Variants in TMEM181 observed in about 807,000 individuals in gnomAD.
TMEM181 encodes transmembrane protein 181, also known as G protein-coupled receptor 178.
Under a neutral mutation model 71.9 loss-of-function variants are expected in TMEM181, and 39 were observed. The observed-to-expected ratio is 0.54, with a 90% CI of 0.42 to 0.71. The LOEUF (loss-of-function observed/expected upper bound fraction) is 0.71. Among genes scored for constraint, TMEM181 ranks in the 30% least tolerant of loss-of-function variants. The pLI is 0.00. For missense variants in TMEM181, 595 were observed against 583.0 expected (o/e 1.02, Z -0.21); for synonymous variants, 245 against 228.8 (o/e 1.07, Z -0.64).
intron 6 of TMEM181, among the ~76,000 whole-genome samples, chr6:158,591,800 G>A (rs9457409): frequency 0.29 from 44,085 of 151,892 alleles, 6,861 homozygotes; most frequent in African/African-American, 0.37. Context: ...TCCTGACCCT[G>A]TTCTATGGGT....
At chr6:158,617,403 T>G (rs1785679114) in intron 10 of TMEM181, among the ~76,000 whole-genome samples, 1 of 152,188 alleles carries the variant, frequency 6.6e-6, no homozygotes, top group Non-Finnish European at 1.5e-5. Context: ...CGGTCTATTT[T>G]GTTGATCTTT....
At chr6:158,591,688 A>G (rs986466512) in intron 6 of TMEM181, among the ~76,000 whole-genome samples, 1 of 152,088 alleles carries the variant, frequency 6.6e-6, no homozygotes, top group African/African-American at 2.4e-5. Context: ...AACAGTGCAG[A>G]CAAACAAGGG....
chr6:158,546,624 T>A (rs1781534106), intron 1 of TMEM181, among the ~76,000 whole-genome samples: 1 of 152,208 alleles, frequency 6.6e-6, no homozygotes, highest in Non-Finnish European at 1.5e-5. Context: ...CTGTGGGTTA[T>A]CAAATTTACT....
chr6:158,546,975 CAAACAAAT>C (rs143229930), intron 1 of TMEM181, among the ~76,000 whole-genome samples: 2,922 of 149,604 alleles, frequency 0.02, 82 homozygotes, highest in African/African-American at 0.067. Flanking sequence ...CAAAAACAAA[CAAACAAAT>C]AAAGAATACT....
chr6:158,573,345 G>A (rs2128294006), intron 1 of TMEM181, 75 bp from the exon 2 acceptor site: 2 of 1,123,138 alleles, frequency 1.8e-6, no homozygotes, highest in Non-Finnish European at 2.6e-6. Flanking sequence ...GGGGAGGGGT[G>A]TTGCTGCAGG....
intron 1 of TMEM181, among the ~76,000 whole-genome samples, chr6:158,538,131 G>T (rs1781196736): frequency 7.3e-6 from 1 of 137,210 alleles, no homozygotes; most frequent in African/African-American, 2.8e-5. Context: ...CCCGTCCCCC[G>T]CCCCCTACTC....
At chr6:158,565,033 C>G (rs1316930449) in intron 1 of TMEM181, among the ~76,000 whole-genome samples, 4 of 152,300 alleles carry the variant, frequency 2.6e-5, no homozygotes, top group East Asian at 1.9e-4. Flanking sequence ...ATGAAGGTGT[C>G]TCTCACACCC....
chr6:158,615,286 CT>C, intron 10 of TMEM181, among the ~76,000 whole-genome samples: 1 of 152,206 alleles, frequency 6.6e-6, no homozygotes, highest in Non-Finnish European at 1.5e-5. Flanking sequence ...GAAATGCCTT[CT>C]TTTGAGAAGT....
At chr6:158,559,978 G>A (rs942604282), upstream of TMEM181, 15 of 898,542 alleles carry the variant, frequency 1.7e-5, no homozygotes, top group Non-Finnish European at 1.9e-5. Context: ...ACGGGGCCAC[G>A]AAGGAGGGCC....
intron 12 of TMEM181, 59 bp from the exon 13 acceptor site, chr6:158,625,644 A>G: frequency 6.8e-7 from 1 of 1,469,170 alleles, no homozygotes; most frequent in East Asian, 2.3e-5. Flanking sequence ...TTATTTTTCA[A>G]AATAAAATGC....
At chr6:158,542,868 GTTTTTTTTTTT>G (rs61401561) in intron 1 of TMEM181, among the ~76,000 whole-genome samples, 2 of 73,462 alleles carry the variant, frequency 2.7e-5, no homozygotes, top group Admixed American at 2.1e-4. Context: ...CTCCAGAGTG[GTTTTTTTTTTT>G]TTTTTTTTTT....
Position 158,628,820 on chromosome 6 carries a change from G to A in TMEM181, c.1192+330G>A, listed in dbSNP as rs146028962. On this transcript the variant is annotated intron_variant, in intron 14 of 16. Coordinates refer to ENST00000684151, the MANE Select transcript of TMEM181 (RefSeq NM_001376852.1). Reference sequence around the variant, plus strand: ...CTTTCCACCCAGAGGGGCAGGTGCTGTGAGGTAAATGAGGTGCGGTTGCCT... The same window carrying A: ...CTTTCCACCCAGAGGGGCAGGTGCTATGAGGTAAATGAGGTGCGGTTGCCT... Among the ~76,000 whole-genome samples, 28 of 152,360 alleles carry A rather than the reference G, an allele frequency of 1.8e-4. No homozygotes were observed. In the East Asian group the frequency reaches 5.2e-3, roughly 28 times the overall value.
chr6:158,621,794 C>T (rs1260997170), intron 10 of TMEM181, among the ~76,000 whole-genome samples: 2 of 152,250 alleles, frequency 1.3e-5, no homozygotes, highest in African/African-American at 4.8e-5. Flanking sequence ...GCGCTTCTGT[C>T]TGCGCAGGCC....
At chr6:158,625,791 A>G (rs767592716) in intron 13 of TMEM181, 37 bp downstream of exon 13, 2 of 1,577,782 alleles carry the variant, frequency 1.3e-6, no homozygotes, top group East Asian at 2.2e-5. Context: ...AGCAAAACGG[A>G]ATTTTTCTTT....
intron 14 of TMEM181, among the ~76,000 whole-genome samples, chr6:158,628,935 C>T (rs1009621064): frequency 1.3e-4 from 20 of 152,224 alleles, no homozygotes; most frequent in Non-Finnish European, 2.4e-4. Flanking sequence ...TGTCTCCCCC[C>T]GGGATATCTC....
At chr6:158,631,283 G>A (rs1428062700) in intron 15 of TMEM181, 40 bp from the exon 16 acceptor site, 10 of 1,609,472 alleles carry the variant, frequency 6.2e-6, no homozygotes, top group East Asian at 4.5e-5. Flanking sequence ...GGCTCATCAC[G>A]TCAATTGCTT....
At chr6:158,545,490 G>A (rs141278455) in intron 1 of TMEM181, among the ~76,000 whole-genome samples, 1 of 152,362 alleles carries the variant, frequency 6.6e-6, no homozygotes, top group Non-Finnish European at 1.5e-5. Context: ...AAGGCGTGAG[G>A]CAGGCTCGTC....
At chr6:158,539,573 G>A (rs1781261736) in intron 1 of TMEM181, among the ~76,000 whole-genome samples, 1 of 152,176 alleles carries the variant, frequency 6.6e-6, no homozygotes, top group South Asian at 2.1e-4. Context: ...CTCATAACAG[G>A]GCGAAGCAAA....
intron 1 of TMEM181, among the ~76,000 whole-genome samples, chr6:158,547,619 C>T (rs1365851359): frequency 6.6e-6 from 1 of 152,146 alleles, no homozygotes; most frequent in African/African-American, 2.4e-5. Flanking sequence ...TGAAATCCTG[C>T]TAGCTTTTCC....
Sources: gnomAD v4.1 joint callset for allele counts (sites outside exome capture counted in the v4.1 genomes callset) on GRCh38, gnomAD v4.1.1 for gene constraint, MANE v1.5 for transcripts, NCBI Gene and HGNC (gene_info 2026-07-23, HGNC 2026-07-21) for gene names.